The following SLC6A20 variants were observed in gnomAD, a reference collection of about 807,000 sequenced individuals.
SLC6A20 encodes the protein sodium- and chloride-dependent transporter XTRP3.
In SLC6A20, 73 loss-of-function variants were observed where a neutral mutation model predicts 64.3. The observed-to-expected ratio is 1.14, with a 90% CI of 0.94 to 1.38. SLC6A20 has a LOEUF of 1.38. Among genes scored for constraint, SLC6A20 ranks in the 40% most tolerant of loss-of-function variants. The pLI, the probability that SLC6A20 is intolerant of heterozygous loss-of-function variation, is 0.00. For synonymous variants in SLC6A20, 347 were observed against 329.6 expected (o/e 1.05, Z -0.57); for missense variants, 725 against 772.8 (o/e 0.94, Z 0.73).
chr3:45,796,376 A>G lies in SLC6A20; in HGVS notation c.44T>C (p.Val15Ala). 1 of 1,612,566 alleles carries G rather than the reference A, an allele frequency of 6.2e-7. No homozygotes were observed. Among genetic ancestry groups the G allele is most frequent in the Non-Finnish European group, 8.5e-7 (1 of 1,179,656 alleles). The change falls in exon 1 of 11, where the codon GTG becomes GCG. Residue 15 changes from valine to alanine, a missense_variant. By Grantham distance (64) the Val-to-Ala change is moderately conservative. Coordinates refer to ENST00000358525, the MANE Select transcript of SLC6A20 (RefSeq NM_020208.4). ...CACGGCGTACGAGATGCAGGCGAAC[A>G]CGAACTGTAGCGAGTTGGCCCACAG... is the stretch of plus-strand genomic sequence containing the variant. Reference protein sequence around the residue: ...RPLWANSLQFVFACISYAVGL... With the variant: ...RPLWANSLQFAFACISYAVGL...
At chr3:45,767,455 GAA>G (rs1269494480) in intron 7 of SLC6A20, among the ~76,000 whole-genome samples, 1 of 152,120 alleles carries the variant, frequency 6.6e-6, no homozygotes, top group Non-Finnish European at 1.5e-5. Flanking sequence ...AGATGCAGCT[GAA>G]AAGAGAGTTA....
intron 1 of SLC6A20, among the ~76,000 whole-genome samples, chr3:45,794,510 C>T (rs1370835554): frequency 6.6e-6 from 1 of 152,102 alleles, no homozygotes; most frequent in Admixed American, 6.5e-5. Context: ...CCCATCCAGC[C>T]GAAGCATCCT....
intron 10 of SLC6A20, 77 bp downstream of exon 10, chr3:45,759,780 G>T: frequency 6.6e-7 from 1 of 1,506,344 alleles, no homozygotes. Context: ...ATAGTCCCCT[G>T]GTTTCGGAAA....
chr3:45,759,825 C>A, intron 10 of SLC6A20, 32 bp downstream of exon 10: 1 of 1,581,676 alleles, frequency 6.3e-7, no homozygotes, highest in Non-Finnish European at 8.6e-7. Flanking sequence ...GCCATGGGGG[C>A]CCAGCGCCAG....
In SLC6A20 at chr3:45,771,429, C is replaced by T; in HGVS notation, c.723G>A (p.Trp241Ter). Residue 241 changes from tryptophan to a stop codon, truncating the protein, a stop_gained, in exon 6 of 11, where the codon TGG becomes TGA. Coordinates refer to ENST00000358525, the MANE Select transcript of SLC6A20 (RefSeq NM_020208.4). LOFTEE classifies it high-confidence loss of function. ...KIEQLANPKA[W>*]INAATQIFFS... ...AGAAGATCTGGGTGGCTGCATTGAT[C>T]CAGGCCTTGGGGTTGGCCAGCTGCT... 1 of 1,614,210 alleles carries T rather than the reference C, an allele frequency of 6.2e-7. No homozygotes were observed.
rs1410891747 is a variant in SLC6A20, at chr3:45,756,773, A to G, written c.*2205T>C. The G allele has an allele frequency of 6.6e-6, 1 of 152,180 alleles. No individual in the cohort carries two copies. Among genetic ancestry groups the G allele is most frequent in the Non-Finnish European group, 1.5e-5 (1 of 68,028 alleles). The allele number at this position is 152,180 out of a possible 1,614,324, so 9.4% of individuals were successfully genotyped here. A position where few individuals can be genotyped will look rare whatever the true frequency, so the allele number is the denominator to read the frequency against. On this transcript the variant is annotated 3_prime_UTR_variant, in exon 11 of 11. Transcript: ENST00000358525. ...GTAACGACCTACTTTATTGCAGTTAAAAAAAGAAAAATTTTTTTGAGAAAA... is the reference window on the plus strand; with the variant it reads ...GTAACGACCTACTTTATTGCAGTTAGAAAAAGAAAAATTTTTTTGAGAAAA...
At chr3:45,793,872 G>A (rs1417745014) in intron 1 of SLC6A20, among the ~76,000 whole-genome samples, 2 of 152,172 alleles carry the variant, frequency 1.3e-5, no homozygotes, top group African/African-American at 4.8e-5. Context: ...ACTTCTTAAA[G>A]GTGACTTTAC....
chr3:45,779,892 G>T, intron 3 of SLC6A20, 117 bp downstream of exon 3: 1 of 1,109,852 alleles, frequency 9.0e-7, no homozygotes, highest in Non-Finnish European at 1.3e-6. Context: ...CCACCCACCG[G>T]CTCCCCGCCC....
chr3:45,781,557 A>T lies in SLC6A20; in HGVS notation c.262+526T>A, dbSNP rs575211175. Among the ~76,000 whole-genome samples the T allele has an allele frequency of 2.6e-5, 4 of 152,266 alleles. No individual in the cohort carries two copies. The East Asian group carries it at 7.7e-4, about 29-fold the overall frequency. On this transcript the variant is annotated intron_variant, in intron 2 of 10. Coordinates refer to ENST00000358525, the MANE Select transcript of SLC6A20 (RefSeq NM_020208.4). Reference sequence around the variant, plus strand: ...GTCACTCAGGAGAAGCATGAGATGAAACAGTCCTCTCCTGCTGTCCGTGCG... The same window carrying T: ...GTCACTCAGGAGAAGCATGAGATGATACAGTCCTCTCCTGCTGTCCGTGCG...
intron 9 of SLC6A20, among the ~76,000 whole-genome samples, chr3:45,761,975 C>G (rs1394606633): frequency 1.3e-5 from 2 of 152,160 alleles, no homozygotes; most frequent in Non-Finnish European, 2.9e-5. Context: ...TCTCCCTCCC[C>G]ACCCTGAACC....
chr3:45,794,296 G>A (rs1559574571), intron 1 of SLC6A20, among the ~76,000 whole-genome samples: 1 of 152,190 alleles, frequency 6.6e-6, no homozygotes, highest in Admixed American at 6.5e-5. Flanking sequence ...AAATGAGGTG[G>A]AAATATTGGA....
chr3:45,775,998 C>T lies in SLC6A20; in HGVS notation c.355-10G>A. On this transcript the variant is annotated splice_polypyrimidine_tract_variant and intron_variant, in intron 3 of 10. Transcript: ENST00000358525. ...ACCACGGCAGGGGATCCTGTGGGAC[C>T]AAAGCAAGTGTTATCCAGGGAGGTG... The T allele has an allele frequency of 6.2e-7, 1 of 1,613,506 alleles. No individual in the cohort carries two copies. Among genetic ancestry groups the T allele is most frequent in the African/African-American group, 1.3e-5 (1 of 75,036 alleles).
chr3:45,793,578 C>T (rs764488149), intron 1 of SLC6A20, among the ~76,000 whole-genome samples: 16 of 152,104 alleles, frequency 1.1e-4, no homozygotes, highest in South Asian at 8.3e-4. Flanking sequence ...TTCCTCATGC[C>T]GGGCCGGGCC....
In SLC6A20 at chr3:45,758,277, C is replaced by T. The variant is rs577178221; in HGVS notation, c.*701G>A. The stretch of plus-strand genomic sequence containing the variant: ...TGACTCCTTTTCCAATGCACCAAGA[C>T]ACACACCACGGAGGGATGTCTGCAC... On this transcript the variant is annotated 3_prime_UTR_variant, in exon 11 of 11. Transcript: ENST00000358525. 8.4e-5 allele frequency: 33 copies of T among 390,814 alleles called. No individual in the cohort carries two copies. Among genetic ancestry groups the T allele is most frequent in the African/African-American group, 6.9e-4 (31 of 45,242 alleles). The allele number at this position is 390,814 out of a possible 1,614,324, so 24.2% of individuals were successfully genotyped here.
rs1313244695 is a variant in SLC6A20 at position 45,778,815 on chromosome 3, G to A, written c.354+1194C>T. Among the ~76,000 whole-genome samples the A allele has an allele frequency of 2.6e-5, 4 of 152,294 alleles. No homozygotes were observed. In the East Asian group the frequency reaches 7.7e-4, roughly 29 times the overall value. ...TGCCCTGTTTCCACTGAGAAGGCTG[G>A]GGAGAGGCAGAGTTGTGGCCAGTGT... On this transcript the variant is annotated intron_variant, in intron 3 of 10. Coordinates refer to ENST00000358525, the MANE Select transcript of SLC6A20 (RefSeq NM_020208.4).
intron 1 of SLC6A20, among the ~76,000 whole-genome samples, chr3:45,782,715 A>C (rs72893634): frequency 0.02 from 3,084 of 151,418 alleles, 103 homozygotes; most frequent in African/African-American, 0.069. Flanking sequence ...ATGCATCCTT[A>C]CATCCATCCT....
intron 4 of SLC6A20, among the ~76,000 whole-genome samples, chr3:45,774,578 C>T (rs1176494479): frequency 6.6e-6 from 1 of 152,044 alleles, no homozygotes; most frequent in African/African-American, 2.4e-5. Flanking sequence ...CTCTTAGAAA[C>T]CAAAATAAAA....
At position 45,780,094 on chromosome 3, in the gene SLC6A20, G is replaced by A. The variant is rs1445552477; in HGVS notation, c.269C>T (p.Ala90Val). 7 of 1,589,664 alleles carry A rather than the reference G, an allele frequency of 4.4e-6. No homozygotes were observed. The highest frequency in any genetic ancestry group is 5.1e-6 in the Non-Finnish European group (6 of 1,167,656). ...GAGGAAGAAAGAGACCACCACGCTG[G>A]CGACCCCTGCGAGGAAGCAGAGGGC... Reference protein sequence around the residue: ...ISPYLSGVGVASVVVSFFLSM... With the variant: ...ISPYLSGVGVVSVVVSFFLSM... The change falls in exon 3 of 11, where the codon GCC (alanine) becomes GTC (valine). Residue 90 changes from alanine to valine, a missense_variant. Coordinates refer to ENST00000358525, the MANE Select transcript of SLC6A20 (RefSeq NM_020208.4).
In SLC6A20 at chr3:45,770,200, G is replaced by T. The variant is rs1195582565; in HGVS notation, c.1098+9C>A. 6.2e-7 allele frequency: 1 copy of T among 1,614,000 alleles called. No individual in the cohort carries two copies. The highest frequency in any genetic ancestry group is 8.5e-7 in the Non-Finnish European group (1 of 1,179,992). On this transcript the variant is annotated intron_variant, in intron 7 of 10. Transcript: ENST00000358525. ...GAAGCCAGTCCTTGACCTTGCCTGG[G>T]CATCTTACCGTGTCTAGCTCCGATT...
Sources: allele counts gnomAD v4.1 joint callset (sites outside exome capture counted in the v4.1 genomes callset), GRCh38; gene constraint gnomAD v4.1.1; transcripts MANE v1.5; gene names NCBI Gene and HGNC (gene_info 2026-07-23, HGNC 2026-07-21).